CHMP4B: variants seen among roughly 807,000 people sequenced by gnomAD.
CHMP4B encodes SNF7 homolog associated with Alix 1.
A neutral mutation model predicts 25.1 loss-of-function variants in CHMP4B; 1 was observed. That is an observed-to-expected ratio of 0.04 (90% CI 0.01 to 0.19). The LOEUF (loss-of-function observed/expected upper bound fraction) is 0.19, where lower values mean the gene tolerates loss of function less well. Among genes scored for constraint, CHMP4B ranks in the 10% least tolerant of loss-of-function variants. CHMP4B has a pLI of 1.00. For missense variants in CHMP4B, 151 were observed against 289.7 expected, an observed-to-expected ratio of 0.52 and a Z score of 3.48; for synonymous variants, 101 against 115.6, an observed-to-expected ratio of 0.87 and a Z score of 0.81.
intron 1 of CHMP4B, among the ~76,000 whole-genome samples, chr20:33,818,914 GT>G (rs1317823345): frequency 6.6e-6 from 1 of 151,554 alleles, no homozygotes; most frequent in Non-Finnish European, 1.5e-5. Flanking sequence ...GCTCTTTTTT[GT>G]TTGTTTTTTT....
At chr20:33,814,168 G>A (rs1978719222) in intron 1 of CHMP4B, among the ~76,000 whole-genome samples, 2 of 152,328 alleles carry the variant, frequency 1.3e-5, no homozygotes, top group Admixed American at 6.5e-5. Context: ...GAGGATGGGA[G>A]CTACTGTAAC....
At chr20:33,811,684 T>G (rs765590309) in intron 1 of CHMP4B, 26 bp downstream of exon 1, 4 of 1,608,338 alleles carry the variant, frequency 2.5e-6, no homozygotes, top group Non-Finnish European at 3.4e-6. Context: ...CCCTTCAGAC[T>G]TGCCACGGGC....
At chr20:33,829,123 C>A (rs899104371) in intron 1 of CHMP4B, among the ~76,000 whole-genome samples, 10 of 152,194 alleles carry the variant, frequency 6.6e-5, no homozygotes, top group African/African-American at 2.4e-4. Flanking sequence ...GGGATTATGA[C>A]TTGAATCCAA....
intron 1 of CHMP4B, among the ~76,000 whole-genome samples, chr20:33,836,785 G>C (rs1979404181): frequency 6.6e-6 from 1 of 152,126 alleles, no homozygotes; most frequent in Non-Finnish European, 1.5e-5. Flanking sequence ...CTGCTCCTTG[G>C]CCTGGAAACT....
chr20:33,850,085 T>G (rs558946708), intron 2 of CHMP4B, among the ~76,000 whole-genome samples: 80 of 152,368 alleles, frequency 5.3e-4, no homozygotes, highest in Non-Finnish European at 1.0e-3. Context: ...CCTTAAAAGT[T>G]TTATTGAAAT....
chr20:33,818,907 CTTTTTTGTTTGTTT>C (rs1449316382), intron 1 of CHMP4B, among the ~76,000 whole-genome samples: 2 of 151,924 alleles, frequency 1.3e-5, no homozygotes, highest in East Asian at 3.9e-4. Flanking sequence ...CAGTGTTGCT[CTTTTTTGTTTGTTT>C]TTTTTTGAGA....
rs149378814 is a variant in CHMP4B, at chr20:33,845,271, C to T, written c.191-3196C>T. On this transcript the variant is annotated intron_variant, in intron 1 of 4. Coordinates refer to ENST00000217402, the MANE Select transcript of CHMP4B (RefSeq NM_176812.5). The stretch of plus-strand genomic sequence containing the variant: ...TGAAATAGGAGGCGGAAGGGACTGC[C>T]GTTGCTTGTTCACCATCACTCAGCA... Among the ~76,000 whole-genome samples the T allele has an allele frequency of 1.1e-4, 16 of 152,146 alleles. No homozygotes were observed. In the East Asian group the frequency reaches 1.7e-3, roughly 17 times the overall value.
At chr20:33,842,370 A>G (rs1465554519) in intron 1 of CHMP4B, among the ~76,000 whole-genome samples, 1 of 151,970 alleles carries the variant, frequency 6.6e-6, no homozygotes, top group East Asian at 1.9e-4. Flanking sequence ...CACAGATGAC[A>G]CCCCCATCAC....
chr20:33,844,779 G>C (rs1354406541), intron 1 of CHMP4B, among the ~76,000 whole-genome samples: 1 of 148,814 alleles, frequency 6.7e-6, no homozygotes, highest in Non-Finnish European at 1.5e-5. Flanking sequence ...TTTTTTTTGA[G>C]ATGGAGTCTT....
chr20:33,852,124 C>G lies in CHMP4B; in HGVS notation c.531C>G (p.Asp177Glu). Residue 177 changes from aspartate to glutamate, a missense_variant, in exon 4 of 5, where the codon GAC becomes GAG. Around this residue, in one of 3 missense-constraint regions of CHMP4B, gnomAD observed 82 missense variants for 208.3 expected, o/e 0.39. Transcript: ENST00000217402. ...ELEELEQEEL[D>E]KNLLEISGPE... ...AAGAACTAGAACAGGAGGAACTAGACAAGAATTTGCTGGAAATCAGTGGAC... is the reference window on the plus strand; with the variant it reads ...AAGAACTAGAACAGGAGGAACTAGAGAAGAATTTGCTGGAAATCAGTGGAC... 1 of 1,614,186 alleles carries G rather than the reference C, an allele frequency of 6.2e-7. No individual in the cohort carries two copies. Among genetic ancestry groups the G allele is most frequent in the Non-Finnish European group, 8.5e-7 (1 of 1,180,020 alleles).
At chr20:33,843,135 G>A (rs905633199) in intron 1 of CHMP4B, among the ~76,000 whole-genome samples, 1 of 152,206 alleles carries the variant, frequency 6.6e-6, no homozygotes, top group Admixed American at 6.5e-5. Context: ...GCTTCTTAGG[G>A]TATCTGTTCT....
At chr20:33,835,057 A>G (rs1441393664) in intron 1 of CHMP4B, among the ~76,000 whole-genome samples, 2 of 152,152 alleles carry the variant, frequency 1.3e-5, no homozygotes, top group South Asian at 2.1e-4. Flanking sequence ...CGGCCTCCCA[A>G]AATGCTGGGA....
chr20:33,811,493 G>C lies in CHMP4B; in HGVS notation c.25G>C (p.Gly9Arg), dbSNP rs1344664555. The change falls in exon 1 of 5, where the codon GGG becomes CGG. Residue 9 changes from glycine to arginine, a missense_variant. Around this residue, in one of 3 missense-constraint regions of CHMP4B, gnomAD observed 28 missense variants for 30.5 expected, o/e 0.92. Coordinates refer to ENST00000217402, the MANE Select transcript of CHMP4B (RefSeq NM_176812.5). ...CATGTCGGTGTTCGGGAAGCTGTTC[G>C]GGGCTGGAGGGGGTAAGGCCGGCAA... The part of the protein sequence containing the change: MSVFGKLF[G>R]AGGGKAGKGG... 9 of 1,584,960 alleles carry C rather than the reference G, an allele frequency of 5.7e-6. No homozygotes were observed. The highest frequency in any genetic ancestry group is 1.3e-5 in the African/African-American group (1 of 74,422).
intron 1 of CHMP4B, among the ~76,000 whole-genome samples, chr20:33,840,359 G>A (rs532084387): frequency 1.3e-5 from 2 of 152,280 alleles, no homozygotes; most frequent in African/African-American, 4.8e-5. Context: ...CAAGACGGAG[G>A]AGAGAATGCT....
chr20:33,816,792 G>T (rs1568604815), intron 1 of CHMP4B, among the ~76,000 whole-genome samples: 1 of 152,160 alleles, frequency 6.6e-6, no homozygotes, highest in Admixed American at 6.5e-5. Flanking sequence ...TTAGGAAATG[G>T]AGAGTGGCAT....
At position 33,850,939 on chromosome 20, in the gene CHMP4B, A is replaced by G. The variant is rs371861453; in HGVS notation, c.369-13A>G. The G allele has an allele frequency of 6.4e-6, 10 of 1,566,192 alleles. No homozygotes were observed. Among genetic ancestry groups the G allele is most frequent in the South Asian group, 5.6e-5 (5 of 90,022 alleles). ...TAATCGATTGATATGATACCTGTCCATTGCATTTGAAGGGACATCGATAAA... is the reference window on the plus strand; with the variant it reads ...TAATCGATTGATATGATACCTGTCCGTTGCATTTGAAGGGACATCGATAAA... On this transcript the variant is annotated splice_polypyrimidine_tract_variant and intron_variant, in intron 2 of 4. Coordinates refer to ENST00000217402, the MANE Select transcript of CHMP4B (RefSeq NM_176812.5).
chr20:33,850,512 G>A (rs988548766), intron 2 of CHMP4B, among the ~76,000 whole-genome samples: 2 of 152,170 alleles, frequency 1.3e-5, no homozygotes, highest in Non-Finnish European at 2.9e-5. Context: ...TTTCCTTTGG[G>A]GTCCTAGAGG....
intron 1 of CHMP4B, among the ~76,000 whole-genome samples, chr20:33,816,182 A>C (rs1978778205): frequency 6.6e-6 from 1 of 152,036 alleles, no homozygotes; most frequent in African/African-American, 2.4e-5. Context: ...TCATATATTC[A>C]TTCTTAAGCA....
intron 2 of CHMP4B, among the ~76,000 whole-genome samples, chr20:33,849,651 G>C (rs1204050644): frequency 6.6e-6 from 1 of 152,186 alleles, no homozygotes; most frequent in Non-Finnish European, 1.5e-5. Context: ...GTAGTGCTTA[G>C]ATTTGGCAGC....
Sources: allele counts gnomAD v4.1 joint callset (sites outside exome capture counted in the v4.1 genomes callset), GRCh38; gene constraint gnomAD v4.1.1; regional missense constraint gnomAD v4.1.1; transcripts MANE v1.5; gene names NCBI Gene and HGNC (gene_info 2026-07-23, HGNC 2026-07-21).